RANBP2: variants seen among roughly 807,000 people sequenced by gnomAD.
The protein encoded by RANBP2 is E3 SUMO-protein ligase RanBP2.
Under a neutral mutation model 303.6 loss-of-function variants are expected in RANBP2, and 57 were observed. The observed-to-expected ratio is 0.19, with a 90% CI of 0.15 to 0.23. The LOEUF (loss-of-function observed/expected upper bound fraction) is 0.23, where lower values mean the gene tolerates loss of function less well. Among genes scored for constraint, RANBP2 ranks in the 10% least tolerant of loss-of-function variants. The pLI is 1.00. For missense variants in RANBP2, 3,138 were observed against 3,780.8 expected (o/e 0.83, Z 4.46); for synonymous variants, 1,167 against 1,301.5 (o/e 0.90, Z 2.23).
chr2:109,548,870 T>C, the RANBP2 span, among the ~76,000 whole-genome samples: 2 of 147,798 alleles, frequency 1.4e-5, no homozygotes, highest in African/African-American at 2.5e-5. Context: ...AGAGCTAAAC[T>C]CTGGTCTAAT....
At chr2:108,961,136 T>G in the RANBP2 span, among the ~76,000 whole-genome samples, 1 of 152,166 alleles carries the variant, frequency 6.6e-6, no homozygotes, top group Non-Finnish European at 1.5e-5. Context: ...CCCTGCAGAG[T>G]GGCCCCCGCT....
At position 108,763,322 on chromosome 2, in the gene RANBP2, G is replaced by A. The variant is rs764885620; in HGVS notation, c.2783G>A (p.Ser928Asn). ...CAGATGCACACACCGCCAGTGCAAA[G>A]CTCATCTGCTTGTATGTTCTCTCAG... ...PQQMHTPPVQ[S>N]SSACMFSQEM... Residue 928 changes from serine (S) to asparagine (N), a missense_variant, in exon 20 of 29, where the codon AGC (serine) becomes AAC (asparagine). Around this residue, in one of 20 missense-constraint regions of RANBP2, gnomAD observed 403 missense variants for 376.7 expected, o/e 1.07. Transcript: ENST00000283195. 6.2e-7 allele frequency: 1 copy of A among 1,613,942 alleles called. No homozygotes were observed. The highest frequency in any genetic ancestry group is 8.5e-7 in the Non-Finnish European group (1 of 1,179,966).
chr2:109,487,714 A>G, the RANBP2 span, among the ~76,000 whole-genome samples: 1 of 152,088 alleles, frequency 6.6e-6, no homozygotes, highest in Non-Finnish European at 1.5e-5. Flanking sequence ...GTCCAGGCCC[A>G]CAGGGCCCAA....
the RANBP2 span, among the ~76,000 whole-genome samples, chr2:108,839,867 C>A: frequency 3.3e-5 from 5 of 150,832 alleles, no homozygotes; most frequent in Non-Finnish European, 4.4e-5. Context: ...ATTTCCTTTT[C>A]CTACCTTATT....
the RANBP2 span, among the ~76,000 whole-genome samples, chr2:109,640,871 C>T: frequency 1.3e-5 from 2 of 152,258 alleles, no homozygotes; most frequent in South Asian, 4.2e-4. Flanking sequence ...AGTGCCTGTC[C>T]ACAACCCCAG....
At chr2:109,096,307 A>G in the RANBP2 span, among the ~76,000 whole-genome samples, 1 of 152,236 alleles carries the variant, frequency 6.6e-6, no homozygotes, top group Non-Finnish European at 1.5e-5. Flanking sequence ...TGTTATTAGT[A>G]TGTGTTACAA....
chr2:109,529,563 G>A, the RANBP2 span, among the ~76,000 whole-genome samples: 3 of 152,228 alleles, frequency 2.0e-5, no homozygotes, highest in African/African-American at 4.8e-5. Flanking sequence ...CCAAGGACAC[G>A]TGGTAACAGC....
Position 108,764,838 on chromosome 2 carries a change from T to C in RANBP2, c.4299T>C (p.Ser1433=), listed in dbSNP as rs777133494. The C allele has an allele frequency of 2.5e-6, 4 of 1,614,110 alleles. No individual in the cohort carries two copies. The highest frequency in any genetic ancestry group is 3.4e-6 in the Non-Finnish European group (4 of 1,179,976). Residue 1433 remains serine, a synonymous_variant, in exon 20 of 29, where the codon TCT becomes TCC. Transcript: ENST00000283195. ...TAGTAAGAAATGAACCTACTGTATC[T>C]AGGTGCATTGCGTGTCAGAATACAA... ...ICLVRNEPTV[S]RCIACQNTKS... is the part of the protein sequence containing the mutation.
chr2:108,983,051 C>T, the RANBP2 span, among the ~76,000 whole-genome samples: 1 of 152,212 alleles, frequency 6.6e-6, no homozygotes, highest in Non-Finnish European at 1.5e-5. Flanking sequence ...GAAAACCACA[C>T]TCTGCAAATC....
the RANBP2 span, among the ~76,000 whole-genome samples, chr2:109,063,807 A>C: frequency 8.7e-4 from 132 of 152,276 alleles, no homozygotes; most frequent in African/African-American, 3.1e-3. Flanking sequence ...ATAGAAAAAA[A>C]AAAAACAAAA....
At chr2:109,202,025 A>T in the RANBP2 span, among the ~76,000 whole-genome samples, 1 of 152,238 alleles carries the variant, frequency 6.6e-6, no homozygotes, top group Admixed American at 6.5e-5. Flanking sequence ...CCTAGGCCAC[A>T]TTGTATTTGC....
the RANBP2 span, chr2:108,856,971 G>T: frequency 7.0e-7 from 1 of 1,437,888 alleles, no homozygotes; most frequent in Non-Finnish European, 9.3e-7. Context: ...GTGGAATCTA[G>T]TAAGTTTTTA....
At chr2:108,738,193 A>G (rs1365424833) in intron 6 of RANBP2, among the ~76,000 whole-genome samples, 1 of 151,136 alleles carries the variant, frequency 6.6e-6, no homozygotes, top group Non-Finnish European at 1.5e-5. Flanking sequence ...CTCCTGCCTC[A>G]GCCTCCCAAG....
At chr2:108,746,553 C>A (rs1209328262) in intron 7 of RANBP2, among the ~76,000 whole-genome samples, 158 bp from the exon 8 acceptor site, 14 of 147,666 alleles carry the variant, frequency 9.5e-5, no homozygotes, top group African/African-American at 3.5e-4. Flanking sequence ...TATATAAATT[C>A]CTTGGTTCCC....
chr2:109,726,058 G>GGGGTGT, the RANBP2 span, among the ~76,000 whole-genome samples: 1,749 of 137,090 alleles, frequency 0.013, 44 homozygotes, highest in Admixed American at 0.042. Context: ...TTTTGCTTTT[G>GGGGTGT]GTGTGTGTGT....
the RANBP2 span, among the ~76,000 whole-genome samples, chr2:109,261,456 G>T: frequency 2.6e-5 from 4 of 152,220 alleles, no homozygotes; most frequent in Non-Finnish European, 5.9e-5. Context: ...AAGGATGTTT[G>T]CTTCTTGGCT....
chr2:109,660,466 C>G, the RANBP2 span, among the ~76,000 whole-genome samples: 1 of 152,206 alleles, frequency 6.6e-6, no homozygotes, highest in Non-Finnish European at 1.5e-5. Flanking sequence ...TCTTTCATTG[C>G]ATTGTGTGTT....
At chr2:109,319,948 G>T in the RANBP2 span, among the ~76,000 whole-genome samples, 1 of 152,238 alleles carries the variant, frequency 6.6e-6, no homozygotes, top group South Asian at 2.1e-4. Context: ...TGAACGAGCT[G>T]CTGTGAGAAG....
At chr2:109,032,668 G>A in the RANBP2 span, among the ~76,000 whole-genome samples, 2 of 152,076 alleles carry the variant, frequency 1.3e-5, no homozygotes, top group East Asian at 1.9e-4. Context: ...TTTCACAGTC[G>A]GGCCACCTCT....
Sources: allele counts gnomAD v4.1 joint callset (sites outside exome capture counted in the v4.1 genomes callset), GRCh38; gene constraint gnomAD v4.1.1; regional missense constraint gnomAD v4.1.1; transcripts MANE v1.5; gene names NCBI Gene and HGNC (gene_info 2026-07-23, HGNC 2026-07-21).